The following ACOXL variants were observed in gnomAD, a reference collection of about 807,000 sequenced individuals.
ACOXL encodes acyl-coenzyme A oxidase-like protein.
In ACOXL, 70 loss-of-function variants were observed where a neutral mutation model predicts 71.9. The observed-to-expected ratio is 0.97, with a 90% CI of 0.80 to 1.19. The LOEUF is 1.19. Ranked by LOEUF, ACOXL falls within the 50% of genes most tolerant of loss-of-function variation. The pLI is 0.00. For synonymous variants in ACOXL, 253 were observed against 281.6 expected (o/e 0.90, Z 1.02); for missense variants, 703 against 736.3 (o/e 0.95, Z 0.52).
intron 10 of ACOXL, among the ~76,000 whole-genome samples, chr2:110,894,520 G>C (rs993265697): frequency 6.6e-6 from 1 of 152,074 alleles, no homozygotes; most frequent in African/African-American, 2.4e-5. Context: ...GCCCTCCCCA[G>C]GCTGTAATGA....
intron 10 of ACOXL, among the ~76,000 whole-genome samples, chr2:110,868,491 TG>T (rs1420931903): frequency 6.6e-6 from 1 of 152,254 alleles, no homozygotes; most frequent in Non-Finnish European, 1.5e-5. Context: ...GTGAATCTAT[TG>T]GTTTTCAGAT....
At chr2:110,762,227 A>G (rs1246894168) in intron 1 of ACOXL, among the ~76,000 whole-genome samples, 1 of 152,072 alleles carries the variant, frequency 6.6e-6, no homozygotes, top group Non-Finnish European at 1.5e-5. Flanking sequence ...CAACTTGCTT[A>G]TGTCACTATA....
chr2:111,050,690 A>G (rs1213409453), intron 16 of ACOXL, among the ~76,000 whole-genome samples: 1 of 152,166 alleles, frequency 6.6e-6, no homozygotes, highest in Non-Finnish European at 1.5e-5. Flanking sequence ...TGGAGGTTAC[A>G]TGGGCATCTC....
At chr2:110,964,087 CA>C (rs1446265084) in intron 12 of ACOXL, among the ~76,000 whole-genome samples, 2 of 152,176 alleles carry the variant, frequency 1.3e-5, no homozygotes, top group Non-Finnish European at 2.9e-5. Flanking sequence ...GACTATTCGG[CA>C]ATACTCTTTT....
chr2:110,797,543 C>CT (rs1685427014), intron 5 of ACOXL, among the ~76,000 whole-genome samples: 1 of 152,188 alleles, frequency 6.6e-6, no homozygotes, highest in Non-Finnish European at 1.5e-5. Context: ...TCATGGCTGT[C>CT]TATCAGTCTT....
At chr2:111,111,811 A>C (rs1427604711) in intron 17 of ACOXL, among the ~76,000 whole-genome samples, 2 of 152,212 alleles carry the variant, frequency 1.3e-5, no homozygotes, top group East Asian at 3.9e-4. Flanking sequence ...ATTTATAAAT[A>C]ATCAACCTGC....
chr2:110,993,411 C>A (rs2063261043), intron 13 of ACOXL, among the ~76,000 whole-genome samples: 1 of 152,210 alleles, frequency 6.6e-6, no homozygotes, highest in Admixed American at 6.5e-5. Context: ...TTTGTAGCTG[C>A]CTCGTGAAAT....
At chr2:110,850,867 A>G (rs905231247) in intron 10 of ACOXL, among the ~76,000 whole-genome samples, 1 of 152,230 alleles carries the variant, frequency 6.6e-6, no homozygotes, top group African/African-American at 2.4e-5. Context: ...ACGTGTATGC[A>G]TGGCTTCTCC....
intron 12 of ACOXL, chr2:110,968,711 G>T (rs2062041714): frequency 1.9e-6 from 2 of 1,071,490 alleles, no homozygotes; most frequent in Non-Finnish European, 2.6e-6. Context: ...GGAGCGGGCT[G>T]CTGAGAGCTA....
chr2:110,737,131 T>G (rs958250108), intron 1 of ACOXL, among the ~76,000 whole-genome samples: 8 of 152,264 alleles, frequency 5.3e-5, no homozygotes, highest in African/African-American at 1.9e-4. Flanking sequence ...GAAATTGAAT[T>G]CTTATTTTCA....
At position 110,908,902 on chromosome 2, in the gene ACOXL, G is replaced by A; in HGVS notation, c.902G>A (p.Ser301Asn). The A allele has an allele frequency of 6.2e-7, 1 of 1,613,050 alleles. No individual in the cohort carries two copies. Among genetic ancestry groups the A allele is most frequent in the Non-Finnish European group, 8.5e-7 (1 of 1,179,242 alleles). The stretch of plus-strand genomic sequence containing the variant: ...ACAGCCTTGGCCCTGACCTTCGTCA[G>A]CAGGTGAGATGGCTCTCAGGGTTTG... ...LATALALTFV[S>N]RYAGALLDED... Residue 301 changes from serine to asparagine, a missense_variant, in exon 11 of 18, where the codon AGC (serine) becomes AAC (asparagine). Transcript: ENST00000439055.
intron 11 of ACOXL, among the ~76,000 whole-genome samples, chr2:110,920,143 C>T (rs2060011385): frequency 6.6e-6 from 1 of 152,126 alleles, no homozygotes; most frequent in South Asian, 2.1e-4. Flanking sequence ...AAATTGCTAA[C>T]GTGTTTTCCA....
At chr2:110,983,758 T>C (rs946982753) in intron 12 of ACOXL, among the ~76,000 whole-genome samples, 2 of 152,260 alleles carry the variant, frequency 1.3e-5, no homozygotes, top group Non-Finnish European at 2.9e-5. Flanking sequence ...CCATTTTAAG[T>C]AATGAAATAT....
At chr2:110,981,194 C>G (rs2062693582) in intron 12 of ACOXL, among the ~76,000 whole-genome samples, 1 of 152,182 alleles carries the variant, frequency 6.6e-6, no homozygotes, top group African/African-American at 2.4e-5. Flanking sequence ...GAAGCCCCAT[C>G]TCTACTAAAA....
intron 14 of ACOXL, among the ~76,000 whole-genome samples, chr2:111,004,624 A>G (rs891587840): frequency 2.6e-5 from 4 of 152,132 alleles, no homozygotes; most frequent in Non-Finnish European, 5.9e-5. Context: ...TCGTCATTAC[A>G]GTTGCTGCAT....
At chr2:110,963,228 T>C (rs1253841494) in intron 12 of ACOXL, among the ~76,000 whole-genome samples, 1 of 151,896 alleles carries the variant, frequency 6.6e-6, no homozygotes, top group African/African-American at 2.4e-5. Context: ...TTCAGAAGGG[T>C]TGCTGGGGGT....
intron 12 of ACOXL, among the ~76,000 whole-genome samples, chr2:110,940,574 C>T (rs977256201): frequency 1.3e-5 from 2 of 152,120 alleles, no homozygotes; most frequent in South Asian, 2.1e-4. Context: ...TGGATCTGGG[C>T]GGAATGAGTG....
chr2:110,866,954 A>G (rs1012928244), intron 10 of ACOXL, among the ~76,000 whole-genome samples: 16 of 152,186 alleles, frequency 1.1e-4, no homozygotes, highest in Non-Finnish European at 2.1e-4. Flanking sequence ...GCTGCCCCAG[A>G]GGCTGGCCAG....
chr2:110,906,042 A>C (rs2059428783), intron 10 of ACOXL, among the ~76,000 whole-genome samples: 1 of 152,148 alleles, frequency 6.6e-6, no homozygotes, highest in African/African-American at 2.4e-5. Flanking sequence ...CCATTGGGAA[A>C]CTGAGGCACA....
Sources: gnomAD v4.1 joint callset for allele counts (sites outside exome capture counted in the v4.1 genomes callset) on GRCh38, gnomAD v4.1.1 for gene constraint, MANE v1.5 for transcripts, NCBI Gene and HGNC (gene_info 2026-07-23, HGNC 2026-07-21) for gene names.